CNTNAP2: variants seen among roughly 807,000 people sequenced by gnomAD.
CNTNAP2 encodes contactin associated protein 2.
Under a neutral mutation model 155.2 loss-of-function variants are expected in CNTNAP2, and 98 were observed. The observed-to-expected ratio is 0.63, with a 90% CI of 0.54 to 0.75. The LOEUF (loss-of-function observed/expected upper bound fraction) is 0.75, where lower values mean the gene tolerates loss of function less well. Among genes scored for constraint, CNTNAP2 ranks in the 30% least tolerant of loss-of-function variants. The pLI, the probability that CNTNAP2 is intolerant of heterozygous loss-of-function variation, is 0.00. For missense variants in CNTNAP2, 1,727 were observed against 1,688.1 expected (o/e 1.02, Z -0.40); for synonymous variants, 651 against 631.2 (o/e 1.03, Z -0.47).
chr7:146,473,410 TTTC>T (rs2129127022), intron 1 of CNTNAP2, among the ~76,000 whole-genome samples: 1 of 152,238 alleles, frequency 6.6e-6, no homozygotes, highest in East Asian at 1.9e-4. Context: ...CTTCTTTTCC[TTTC>T]TTCTTTTCCT....
intron 1 of CNTNAP2, among the ~76,000 whole-genome samples, chr7:146,144,138 A>G (rs1797922386): frequency 6.7e-6 from 1 of 148,914 alleles, no homozygotes; most frequent in East Asian, 1.9e-4. Context: ...GACTTCCTAA[A>G]ATATTTATTT....
At chr7:147,375,631 T>G (rs1380131008) in intron 9 of CNTNAP2, among the ~76,000 whole-genome samples, 1 of 152,058 alleles carries the variant, frequency 6.6e-6, no homozygotes, top group African/African-American at 2.4e-5. Context: ...CTCTTGATTT[T>G]GAGCCTTTCT....
intron 3 of CNTNAP2, among the ~76,000 whole-genome samples, chr7:147,039,602 C>T (rs760282475): frequency 2.6e-5 from 4 of 152,092 alleles, no homozygotes; most frequent in Non-Finnish European, 4.4e-5. Flanking sequence ...GATTCTATGC[C>T]TTTGCTATTG....
intron 1 of CNTNAP2, among the ~76,000 whole-genome samples, chr7:146,284,686 C>T (rs1300374075): frequency 4.6e-5 from 7 of 152,164 alleles, no homozygotes; most frequent in Admixed American, 3.9e-4. Flanking sequence ...ATTATATTGA[C>T]AGTAAATTCA....
chr7:146,133,955 G>A (rs1250534881), intron 1 of CNTNAP2, among the ~76,000 whole-genome samples: 4 of 150,630 alleles, frequency 2.7e-5, no homozygotes, highest in African/African-American at 7.3e-5. Context: ...GTGAAGAAAG[G>A]CATTGGTAGC....
At chr7:146,777,352 C>T (rs1449649884) in intron 2 of CNTNAP2, among the ~76,000 whole-genome samples, 2 of 152,166 alleles carry the variant, frequency 1.3e-5, no homozygotes, top group East Asian at 3.9e-4. Context: ...CTCATTTTTG[C>T]TCCCTAATTT....
chr7:146,224,770 AAAAC>A (rs1019440713), intron 1 of CNTNAP2, among the ~76,000 whole-genome samples: 2 of 152,142 alleles, frequency 1.3e-5, no homozygotes, highest in South Asian at 2.1e-4. Context: ...CTCCGTCTCA[AAAAC>A]AAACAAACAA....
intron 1 of CNTNAP2, among the ~76,000 whole-genome samples, chr7:146,670,891 T>G (rs961295397): frequency 9.8e-5 from 15 of 152,312 alleles, no homozygotes; most frequent in Middle Eastern, 3.4e-3. Flanking sequence ...CCCTGTCTTA[T>G]TCATGTACAA....
intron 1 of CNTNAP2, among the ~76,000 whole-genome samples, chr7:146,646,214 A>G (rs565018482): frequency 2.6e-5 from 4 of 152,276 alleles, no homozygotes; most frequent in Non-Finnish European, 5.9e-5. Flanking sequence ...AGAAAATCAC[A>G]TAATGTAGTT....
intron 1 of CNTNAP2, among the ~76,000 whole-genome samples, chr7:146,178,303 G>A (rs181491970): frequency 3.9e-5 from 6 of 152,308 alleles, no homozygotes; most frequent in South Asian, 2.1e-4. Context: ...AAAGTTCTGG[G>A]ATTACAGGCG....
At chr7:147,016,475 T>C (rs1798725816) in intron 3 of CNTNAP2, among the ~76,000 whole-genome samples, 1 of 152,086 alleles carries the variant, frequency 6.6e-6, no homozygotes, top group Non-Finnish European at 1.5e-5. Flanking sequence ...ATAAAGTATA[T>C]GTTTGGCTTA....
chr7:148,347,537 T>C (rs181681295), intron 21 of CNTNAP2, among the ~76,000 whole-genome samples: 5 of 152,326 alleles, frequency 3.3e-5, no homozygotes, highest in Admixed American at 2.6e-4. Flanking sequence ...TGACCAGTTA[T>C]TTGATTGTTT....
At chr7:146,896,137 G>T (rs1476692949) in intron 3 of CNTNAP2, among the ~76,000 whole-genome samples, 1 of 152,076 alleles carries the variant, frequency 6.6e-6, no homozygotes, top group Admixed American at 6.6e-5. Context: ...GCTTCAGAGT[G>T]GTGGGATAGG....
At chr7:148,320,668 G>T (rs1481892066) in intron 21 of CNTNAP2, among the ~76,000 whole-genome samples, 1 of 152,082 alleles carries the variant, frequency 6.6e-6, no homozygotes, top group Admixed American at 6.5e-5. Context: ...ACAGGCGTGA[G>T]CCACCACACC....
chr7:147,990,287 A>C (rs1801687845), intron 15 of CNTNAP2, among the ~76,000 whole-genome samples: 1 of 152,230 alleles, frequency 6.6e-6, no homozygotes, highest in Non-Finnish European at 1.5e-5. Context: ...GGAAAGAAAC[A>C]CAAAAGGCAG....
chr7:147,283,229 TTAAATA>T (rs1805085969), intron 8 of CNTNAP2, among the ~76,000 whole-genome samples: 1 of 151,988 alleles, frequency 6.6e-6, no homozygotes, highest in African/African-American at 2.4e-5. Flanking sequence ...ATGTTGTACA[TTAAATA>T]TATTCTTGCC....
intron 8 of CNTNAP2, among the ~76,000 whole-genome samples, chr7:147,280,784 G>A (rs911195200): frequency 6.6e-6 from 1 of 151,834 alleles, no homozygotes; most frequent in Non-Finnish European, 1.5e-5. Context: ...AAAATAAAGC[G>A]AGTGGGAAGT....
At chr7:148,201,561 C>CT (rs1037793727) in intron 18 of CNTNAP2, among the ~76,000 whole-genome samples, 2 of 152,102 alleles carry the variant, frequency 1.3e-5, no homozygotes, top group Non-Finnish European at 2.9e-5. Flanking sequence ...AAAAGTTTCC[C>CT]TTTTTTATAG....
At chr7:146,809,625 T>C (rs2129193409) in intron 2 of CNTNAP2, among the ~76,000 whole-genome samples, 1 of 152,080 alleles carries the variant, frequency 6.6e-6, no homozygotes, top group East Asian at 1.9e-4. Flanking sequence ...CAGCCTCCCA[T>C]GGTACTAGGA....
Sources: gnomAD v4.1 joint callset for allele counts (sites outside exome capture counted in the v4.1 genomes callset) on GRCh38, gnomAD v4.1.1 for gene constraint, MANE v1.5 for transcripts, NCBI Gene and HGNC (gene_info 2026-07-23, HGNC 2026-07-21) for gene names.